The following DCLK3 variants were observed in gnomAD, a reference collection of about 807,000 sequenced individuals.
The protein encoded by DCLK3 is serine/threonine-protein kinase DCLK3.
In DCLK3, 30 loss-of-function variants were observed where a neutral mutation model predicts 46.4. The observed-to-expected ratio is 0.65, with a 90% confidence interval of 0.48 to 0.88. The LOEUF is 0.88. Ranked by LOEUF, DCLK3 falls within the 40% of genes least tolerant of loss-of-function variation. DCLK3 has a pLI of 0.00. For missense variants in DCLK3, 846 were observed against 907.1 expected, an observed-to-expected ratio of 0.93 and a Z score of 0.87; for synonymous variants, 401 against 339.2, an observed-to-expected ratio of 1.18 and a Z score of -2.00.
chr3:36,758,507 C>T (rs532781099), intron 1 of DCLK3, among the ~76,000 whole-genome samples: 10 of 152,260 alleles, frequency 6.6e-5, no homozygotes, highest in Non-Finnish European at 1.3e-4. Flanking sequence ...ATAGCTTAGG[C>T]CCTTTGTTGG....
At position 36,724,935 on chromosome 3, in the gene DCLK3, C is replaced by T. The variant is rs183298972; in HGVS notation, c.1960-3276G>A. ...ATCAAACAGGCCAGGAGTCTTTGAA[C>T]AATTCCAACTCCAAGACTTGAGGCT... On this transcript the variant is annotated intron_variant, in intron 2 of 4. Transcript: ENST00000636136. Among the ~76,000 whole-genome samples, 15 of 151,188 alleles carry T rather than the reference C, an allele frequency of 9.9e-5. No homozygotes were observed. The East Asian group carries it at 2.9e-3, about 30-fold the overall frequency.
chr3:36,759,265 G>A (rs1507868), intron 1 of DCLK3, among the ~76,000 whole-genome samples: 5 of 152,064 alleles, frequency 3.3e-5, no homozygotes, highest in South Asian at 4.1e-4. Flanking sequence ...CATCCCAGCC[G>A]CCATCCCCTA....
At chr3:36,748,910 G>A (rs1701415607) in intron 1 of DCLK3, among the ~76,000 whole-genome samples, 1 of 152,136 alleles carries the variant, frequency 6.6e-6, no homozygotes, top group Non-Finnish European at 1.5e-5. Context: ...AGCCTCTCCA[G>A]ATGCTGCCAC....
In DCLK3 at chr3:36,720,504, CT is replaced by C. The variant is rs34010996; in HGVS notation, c.2092+1022del. Reference sequence around the variant, plus strand: ...CTCATGCATGTTGTCATCTCCTCATCTTTTTTTTTTTTTTTTTGAGATGAAG... The same window carrying C: ...CTCATGCATGTTGTCATCTCCTCATCTTTTTTTTTTTTTTTTGAGATGAAG... On this transcript the variant is annotated intron_variant, in intron 3 of 4. Coordinates refer to ENST00000636136, the MANE Select transcript of DCLK3 (RefSeq NM_001394672.2). Among the ~76,000 whole-genome samples, 58 of 129,292 alleles carry C rather than the reference CT, an allele frequency of 4.5e-4. 1 individual carries two copies. The South Asian group carries it at 6.4e-3, about 14-fold the overall frequency. 84.8% of individuals were successfully genotyped at this position (129,292 alleles called of 152,430 possible). A position where few individuals can be genotyped will look rare whatever the true frequency, so the allele number is the denominator to read the frequency against.
At chr3:36,722,201 T>C (rs1272774123) in intron 2 of DCLK3, among the ~76,000 whole-genome samples, 2 of 151,624 alleles carry the variant, frequency 1.3e-5, no homozygotes, top group Non-Finnish European at 2.9e-5. Context: ...AATGAAGAAG[T>C]ATGGGGCAGG....
intron 1 of DCLK3, among the ~76,000 whole-genome samples, chr3:36,752,951 A>C (rs958371119): frequency 2.0e-5 from 3 of 152,234 alleles, no homozygotes; most frequent in African/African-American, 7.2e-5. Flanking sequence ...CAAATAGTTC[A>C]TGGTAATCAT....
chr3:36,738,385 T>G lies in DCLK3; in HGVS notation c.782A>C (p.Gln261Pro). The change falls in exon 2 of 5, where the codon CAG becomes CCG. Residue 261 changes from glutamine (Q) to proline (P), a missense_variant. Around this residue, in one of 3 missense-constraint regions of DCLK3, gnomAD observed 553 missense variants for 543.0 expected, o/e 1.02. Coordinates refer to ENST00000636136, the MANE Select transcript of DCLK3 (RefSeq NM_001394672.2). ...ELSLDDRART[Q>P]KKWGRGKWEP... Reference sequence around the variant, plus strand: ...CCATTTCCCCCTCCCCCACTTCTTCTGGGTCCTCGCTCTGTCATCTAGTGA... The same window carrying G: ...CCATTTCCCCCTCCCCCACTTCTTCGGGGTCCTCGCTCTGTCATCTAGTGA... The G allele has an allele frequency of 6.7e-7, 1 of 1,499,828 alleles. No individual in the cohort carries two copies. Among genetic ancestry groups the G allele is most frequent in the Non-Finnish European group, 8.9e-7 (1 of 1,127,818 alleles). The allele number at this position is 1,499,828 out of a possible 1,614,324, so 92.9% of individuals were successfully genotyped here.
At chr3:36,760,392 C>T (rs1216255510) in intron 1 of DCLK3, among the ~76,000 whole-genome samples, 6 of 151,328 alleles carry the variant, frequency 4.0e-5, no homozygotes, top group Non-Finnish European at 5.9e-5. Flanking sequence ...AACCAAACAC[C>T]GCATTTTCTC....
At chr3:36,758,797 A>T (rs976289746) in intron 1 of DCLK3, among the ~76,000 whole-genome samples, 2 of 152,248 alleles carry the variant, frequency 1.3e-5, no homozygotes, top group African/African-American at 4.8e-5. Context: ...GGTTTAGTGT[A>T]TAGAAAGGAA....
At chr3:36,753,817 G>A (rs148801771) in intron 1 of DCLK3, among the ~76,000 whole-genome samples, 177 of 152,210 alleles carry the variant, frequency 1.2e-3, no homozygotes, top group African/African-American at 4.2e-3. Flanking sequence ...CTACAGGCAT[G>A]AGCCACCACA....
intron 1 of DCLK3, among the ~76,000 whole-genome samples, chr3:36,752,302 A>G (rs1406071923): frequency 1.3e-5 from 2 of 152,140 alleles, no homozygotes; most frequent in African/African-American, 4.8e-5. Flanking sequence ...TGGGGCTGAG[A>G]TGTGACTCCA....
At chr3:36,721,502 C>A in intron 3 of DCLK3, 25 bp downstream of exon 3, 1 of 1,611,418 alleles carries the variant, frequency 6.2e-7, no homozygotes, top group Non-Finnish European at 8.5e-7. Flanking sequence ...AACTAGAGTC[C>A]CACAGATCGA....
chr3:36,730,390 C>T (rs1052194959), intron 2 of DCLK3, among the ~76,000 whole-genome samples: 1 of 152,118 alleles, frequency 6.6e-6, no homozygotes, highest in Admixed American at 6.5e-5. Context: ...ATCTCATGTT[C>T]ATTCAACAAA....
chr3:36,760,302 A>G (rs1035149567), intron 1 of DCLK3, among the ~76,000 whole-genome samples: 2 of 152,218 alleles, frequency 1.3e-5, no homozygotes, highest in Non-Finnish European at 2.9e-5. Flanking sequence ...TGTGGTCCCT[A>G]AAGAAACAAC....
At chr3:36,728,610 A>G (rs1701154569) in intron 2 of DCLK3, among the ~76,000 whole-genome samples, 2 of 152,080 alleles carry the variant, frequency 1.3e-5, no homozygotes, top group African/African-American at 4.8e-5. Flanking sequence ...TCCAAGACTT[A>G]TACCAGTAAC....
At chr3:36,758,067 T>C (rs1438816945) in intron 1 of DCLK3, among the ~76,000 whole-genome samples, 2 of 152,178 alleles carry the variant, frequency 1.3e-5, no homozygotes, top group Admixed American at 1.3e-4. Context: ...AAAAGTGATG[T>C]CTCTGAACCA....
rs575441985 is a variant in DCLK3 at position 36,743,459 on chromosome 3, T to C, written c.83-4375A>G. On this transcript the variant is annotated intron_variant, in intron 1 of 4. Coordinates refer to ENST00000636136, the MANE Select transcript of DCLK3 (RefSeq NM_001394672.2). Reference sequence around the variant, plus strand: ...AGTAAATTGTTTATGAAGCCATAGATAGTAAAAATTAAACATGCTAATTCT... The same window carrying C: ...AGTAAATTGTTTATGAAGCCATAGACAGTAAAAATTAAACATGCTAATTCT... Among the ~76,000 whole-genome samples the C allele has an allele frequency of 4.6e-5, 7 of 152,318 alleles. No individual in the cohort carries two copies. In the South Asian group the frequency reaches 6.2e-4, roughly 14 times the overall value.
chr3:36,762,522 G>A (rs928419336), intron 1 of DCLK3, among the ~76,000 whole-genome samples: 3 of 152,296 alleles, frequency 2.0e-5, no homozygotes, highest in Admixed American at 2.0e-4. Flanking sequence ...TGGAAACAAA[G>A]GATGTCATGC....
At chr3:36,723,569 G>A (rs1265954561) in intron 2 of DCLK3, among the ~76,000 whole-genome samples, 1 of 152,148 alleles carries the variant, frequency 6.6e-6, no homozygotes, top group African/African-American at 2.4e-5. Flanking sequence ...CATGCTGTGT[G>A]CAGCCTAGGG....
Sources: allele counts gnomAD v4.1 joint callset (sites outside exome capture counted in the v4.1 genomes callset), GRCh38; gene constraint gnomAD v4.1.1; regional missense constraint gnomAD v4.1.1; transcripts MANE v1.5; gene names NCBI Gene and HGNC (gene_info 2026-07-23, HGNC 2026-07-21).